The following PRKCA variants were observed in gnomAD, a reference collection of about 807,000 sequenced individuals.
PRKCA encodes protein kinase C alpha.
In PRKCA, 27 loss-of-function variants were observed where a neutral mutation model predicts 87.0. The ratio of observed to expected loss-of-function variants is 0.31; its 90% CI spans 0.23 to 0.43. The LOEUF (loss-of-function observed/expected upper bound fraction) is 0.43, where lower values mean the gene tolerates loss of function less well. PRKCA is among the 20% of genes least tolerant of loss of function. The pLI, the probability that PRKCA is intolerant of heterozygous loss-of-function variation, is 1.00. For synonymous variants in PRKCA, 329 were observed against 311.1 expected (o/e 1.06, Z -0.61); for missense variants, 518 against 852.3 (o/e 0.61, Z 4.88).
At position 66,765,426 on chromosome 17, in the gene PRKCA, A is replaced by ATCTATATATCTATATATC. The variant is rs1343913537; in HGVS notation, c.1525-8560_1525-8559insCTATATATCTATATATCT. ...ACAGAGCAAGACTTTGTCTATATAT[A>ATCTATATATCTATATATC]TATATATATATATATATATATATAT... On this transcript the variant is annotated intron_variant, in intron 13 of 16. Coordinates refer to ENST00000413366, the MANE Select transcript of PRKCA (RefSeq NM_002737.3). Among the ~76,000 whole-genome samples, 116 of 124,286 alleles carry ATCTATATATCTATATATC rather than the reference A, an allele frequency of 9.3e-4. 3 individuals carry two copies. Among genetic ancestry groups the ATCTATATATCTATATATC allele is most frequent in the African/African-American group, 2.6e-3 (80 of 31,226 alleles). 81.5% of individuals were successfully genotyped at this position (124,286 alleles called of 152,430 possible). A position where few individuals can be genotyped will look rare whatever the true frequency, so the allele number is the denominator to read the frequency against.
intron 3 of PRKCA, among the ~76,000 whole-genome samples, chr17:66,590,021 T>A (rs1450382562): frequency 3.9e-5 from 6 of 152,070 alleles, no homozygotes; most frequent in Non-Finnish European, 5.9e-5. Context: ...CGGTAATGCT[T>A]GCTTGCCCGC....
At chr17:66,800,724 C>T (rs143074403) in intron 16 of PRKCA, among the ~76,000 whole-genome samples, 1 of 152,358 alleles carries the variant, frequency 6.6e-6, no homozygotes, top group East Asian at 1.9e-4. Context: ...TTGCAGAACA[C>T]ATTGATAAAT....
chr17:66,477,286 A>G (rs759102798), intron 2 of PRKCA, among the ~76,000 whole-genome samples: 3 of 152,244 alleles, frequency 2.0e-5, no homozygotes, highest in Non-Finnish European at 4.4e-5. Context: ...GAAATAAGGC[A>G]TAAACGTAAC....
chr17:66,428,649 A>T (rs1201421248), intron 2 of PRKCA, among the ~76,000 whole-genome samples: 1 of 151,982 alleles, frequency 6.6e-6, no homozygotes, highest in Non-Finnish European at 1.5e-5. Flanking sequence ...GACTACAGTC[A>T]TGTATCACCA....
At chr17:66,463,448 T>A (rs1244018847) in intron 2 of PRKCA, among the ~76,000 whole-genome samples, 1 of 152,072 alleles carries the variant, frequency 6.6e-6, no homozygotes, top group East Asian at 1.9e-4. Context: ...CAAGCTGGAG[T>A]GCAGTGGCAT....
chr17:66,645,465 G>A lies in PRKCA; in HGVS notation c.483G>A (p.Arg161=), dbSNP rs748379738. The change falls in exon 5 of 17, where the codon CGG becomes CGA. Residue 161 remains arginine (R), a synonymous_variant. Transcript: ENST00000413366. ...TGGATCACACTGAGAAGAGGGGGCG[G>A]ATTTACCTAAAGGCTGAGGTTGCTG... ...CGMDHTEKRG[R]IYLKAEVADE... The A allele has an allele frequency of 1.1e-5, 17 of 1,614,068 alleles. No homozygotes were observed. The highest frequency in any genetic ancestry group is 3.3e-4 in the Middle Eastern group (2 of 6,084).
chr17:66,332,070 A>C (rs1481705278), intron 2 of PRKCA, among the ~76,000 whole-genome samples: 1 of 151,980 alleles, frequency 6.6e-6, no homozygotes, highest in Non-Finnish European at 1.5e-5. Context: ...GAATATATTA[A>C]GGCAAAAGAA....
intron 5 of PRKCA, among the ~76,000 whole-genome samples, chr17:66,649,554 T>C (rs1027263977): frequency 6.6e-6 from 1 of 152,196 alleles, no homozygotes; most frequent in African/African-American, 2.4e-5. Context: ...TGGAAAGTGA[T>C]GTAGTTGGGG....
At chr17:66,398,031 C>T (rs905023214) in intron 2 of PRKCA, 6 of 152,162 alleles carry the variant, frequency 3.9e-5, no homozygotes, top group Non-Finnish European at 8.8e-5. Flanking sequence ...CTCTTTATTT[C>T]CATGATTAAT....
intron 5 of PRKCA, among the ~76,000 whole-genome samples, chr17:66,659,856 T>C (rs1397447153): frequency 6.6e-6 from 1 of 152,228 alleles, no homozygotes; most frequent in Non-Finnish European, 1.5e-5. Context: ...GAGGCGTTTA[T>C]TGCCAAGCAA....
chr17:66,484,257 A>G (rs1039287447), intron 2 of PRKCA, among the ~76,000 whole-genome samples: 1 of 152,186 alleles, frequency 6.6e-6, no homozygotes, highest in Non-Finnish European at 1.5e-5. Flanking sequence ...TTGAGCTACA[A>G]TTCAAGATGA....
intron 2 of PRKCA, among the ~76,000 whole-genome samples, chr17:66,435,000 G>A (rs776672050): frequency 6.6e-6 from 1 of 152,114 alleles, no homozygotes; most frequent in East Asian, 1.9e-4. Context: ...TGGTTTGATC[G>A]ACATTTTCCC....
chr17:66,374,306 C>T (rs375605183), intron 2 of PRKCA, among the ~76,000 whole-genome samples: 2 of 152,202 alleles, frequency 1.3e-5, no homozygotes, highest in African/African-American at 4.8e-5. Flanking sequence ...CTAAGTGGCA[C>T]GGACTGCTGT....
chr17:66,664,308 T>A (rs994661263), intron 5 of PRKCA, among the ~76,000 whole-genome samples: 2 of 152,142 alleles, frequency 1.3e-5, no homozygotes, highest in African/African-American at 2.4e-5. Flanking sequence ...GACCACCAAG[T>A]CCTGTGGCCT....
chr17:66,664,059 G>A (rs968614877), intron 5 of PRKCA, among the ~76,000 whole-genome samples: 1 of 151,974 alleles, frequency 6.6e-6, no homozygotes, highest in Non-Finnish European at 1.5e-5. Flanking sequence ...GTAGAGATAG[G>A]GTTTCGCCAT....
intron 13 of PRKCA, among the ~76,000 whole-genome samples, chr17:66,746,450 A>G (rs1241783755): frequency 6.6e-6 from 1 of 152,116 alleles, no homozygotes; most frequent in Non-Finnish European, 1.5e-5. Flanking sequence ...GAAAGGTTAA[A>G]ATAATATTTC....
intron 2 of PRKCA, among the ~76,000 whole-genome samples, chr17:66,345,992 T>C (rs1907335118): frequency 6.6e-6 from 1 of 152,194 alleles, no homozygotes; most frequent in Admixed American, 6.5e-5. Flanking sequence ...ATGAGGGCAG[T>C]GTTGCTGATA....
At chr17:66,638,290 A>C (rs1044342711) in intron 3 of PRKCA, 9 of 152,118 alleles carry the variant, frequency 5.9e-5, no homozygotes, top group African/African-American at 2.2e-4. Flanking sequence ...GAAGCAGCAC[A>C]AATACAAAAC....
At chr17:66,409,033 C>CAAAAAAAAAAAAAAA in intron 2 of PRKCA, among the ~76,000 whole-genome samples, 1 of 76,992 alleles carries the variant, frequency 1.3e-5, no homozygotes, top group Non-Finnish European at 2.3e-5. Flanking sequence ...TCCCCAGTCT[C>CAAAAAAAAAAAAAAA]AAAAAAAAAA....
Sources: gnomAD v4.1 joint callset for allele counts (sites outside exome capture counted in the v4.1 genomes callset) on GRCh38, gnomAD v4.1.1 for gene constraint, MANE v1.5 for transcripts, NCBI Gene and HGNC (gene_info 2026-07-23, HGNC 2026-07-21) for gene names.